KDM6A: variants seen among roughly 807,000 people sequenced by gnomAD.
KDM6A encodes lysine-specific demethylase 6A.
A neutral mutation model predicts 117.6 loss-of-function variants in KDM6A; 11 were observed. That is an observed-to-expected ratio of 0.09 (90% CI 0.06 to 0.15). The LOEUF is 0.15. KDM6A is among the 10% of genes least tolerant of loss of function. The probability of loss-of-function intolerance (pLI) is 1.00; values close to 1 mark genes in which losing one functional copy is unlikely to be tolerated. For synonymous variants in KDM6A, 384 were observed against 396.1 expected (o/e 0.97, Z 0.36); for missense variants, 799 against 1,077.3 (o/e 0.74, Z 3.62).
intron 2 of KDM6A, among the ~76,000 whole-genome samples, chrX:44,920,261 T>C (rs1033345241): frequency 9.9e-5 from 11 of 111,120 alleles, no homozygotes; most frequent in Non-Finnish European, 1.5e-4. Context: ...CAAACTCATT[T>C]ATTAGGTAGA....
intron 12 of KDM6A, 141 bp from the exon 13 acceptor site, chrX:45,059,881 A>T: frequency 1.1e-6 from 1 of 892,336 alleles, no homozygotes; most frequent in Non-Finnish European, 1.6e-6. Context: ...CCCTGTTTAT[A>T]CTTAGTGTCT....
Position 45,044,739 on chromosome X carries a change from T to C in KDM6A, c.655-6970T>C, listed in dbSNP as rs1193205341. On this transcript the variant is annotated intron_variant, in intron 8 of 29. Coordinates refer to ENST00000611820, the MANE Select transcript of KDM6A (RefSeq NM_001291415.2). ...CTGTATCAGTACGTGTAGAGCTGCA[T>C]CATATCCCTTTACATATAGATGTAC... Among the ~76,000 whole-genome samples, 5 of 112,039 alleles carry C rather than the reference T, an allele frequency of 4.5e-5. 1 individual carries two copies. In the East Asian group the frequency reaches 1.4e-3, roughly 31 times the overall value.
At chrX:45,033,128 C>T (rs1237490980) in intron 6 of KDM6A, among the ~76,000 whole-genome samples, 1 of 112,137 alleles carries the variant, frequency 8.9e-6, no homozygotes, top group African/African-American at 3.2e-5. Flanking sequence ...TTTATGCTTA[C>T]AGGACAAATT....
intron 2 of KDM6A, among the ~76,000 whole-genome samples, chrX:44,884,251 A>G (rs1246097845): frequency 9.0e-6 from 1 of 110,851 alleles, no homozygotes; most frequent in Non-Finnish European, 1.9e-5. Flanking sequence ...CCCCATCACT[A>G]TAGGCCGTAG....
At chrX:44,929,146 G>C (rs755619708) in intron 2 of KDM6A, among the ~76,000 whole-genome samples, 17 of 110,081 alleles carry the variant, frequency 1.5e-4, no homozygotes, top group Non-Finnish European at 3.2e-4. Context: ...TGGCCGGGAT[G>C]GTCTCAATCT....
intron 8 of KDM6A, among the ~76,000 whole-genome samples, chrX:45,051,343 T>C (rs995548919): frequency 2.7e-5 from 3 of 111,950 alleles, no homozygotes; most frequent in African/African-American, 6.5e-5. Flanking sequence ...GCTTGGGAGC[T>C]CAGTGTTTCT....
chrX:45,049,069 A>C (rs1339605104), intron 8 of KDM6A, among the ~76,000 whole-genome samples: 4 of 111,449 alleles, frequency 3.6e-5, no homozygotes, highest in African/African-American at 1.3e-4. Context: ...TTCCAAGAGT[A>C]AGATTGCTAG....
intron 27 of KDM6A, among the ~76,000 whole-genome samples, chrX:45,091,125 C>T (rs982043102): frequency 9.0e-6 from 1 of 111,215 alleles, no homozygotes; most frequent in Non-Finnish European, 1.9e-5. Flanking sequence ...CTCTGAACCA[C>T]CTGATATCCC....
intron 4 of KDM6A, among the ~76,000 whole-genome samples, chrX:44,990,750 TTA>T (rs2040538326): frequency 9.0e-6 from 1 of 111,437 alleles, no homozygotes; most frequent in South Asian, 3.7e-4. Flanking sequence ...CAGTTGACTT[TTA>T]TGTGTTAAAT....
chrX:45,050,196 G>A (rs769203194), intron 8 of KDM6A, among the ~76,000 whole-genome samples: 2 of 112,602 alleles, frequency 1.8e-5, no homozygotes, highest in Non-Finnish European at 1.9e-5. Flanking sequence ...AAAAGTAGGC[G>A]GGCGTGGTGG....
chrX:45,004,428 A>T (rs2041327664), intron 4 of KDM6A, among the ~76,000 whole-genome samples: 1 of 111,321 alleles, frequency 9.0e-6, no homozygotes, highest in East Asian at 2.8e-4. Context: ...CTTCCCTGAG[A>T]AGCTCACTTA....
intron 29 of KDM6A, 61 bp downstream of exon 29, chrX:45,110,310 C>A (rs2148309700): frequency 1.0e-6 from 1 of 992,267 alleles, no homozygotes; most frequent in South Asian, 1.9e-5. Context: ...AGTGTTTGCT[C>A]TGCCACCTGA....
chrX:45,029,469 G>A (rs1476169741), intron 6 of KDM6A, among the ~76,000 whole-genome samples: 1 of 109,315 alleles, frequency 9.1e-6, no homozygotes, highest in African/African-American at 3.3e-5. Flanking sequence ...AAATTTAGTC[G>A]AGGGTGCTGG....
chrX:44,977,261 A>G (rs758143317), intron 4 of KDM6A, among the ~76,000 whole-genome samples: 1 of 110,257 alleles, frequency 9.1e-6, no homozygotes, highest in Non-Finnish European at 1.9e-5. Context: ...CTCTATATAT[A>G]TAGTTTTTTA....
chrX:44,943,705 T>C (rs1296512942), intron 2 of KDM6A, among the ~76,000 whole-genome samples: 1 of 112,199 alleles, frequency 8.9e-6, no homozygotes. Context: ...AGGGATTATT[T>C]GGGTTATTTC....
intron 5 of KDM6A, among the ~76,000 whole-genome samples, chrX:45,017,703 A>G (rs190732732): frequency 4.4e-4 from 49 of 112,036 alleles, no homozygotes; most frequent in Non-Finnish European, 7.9e-4. Flanking sequence ...GCACCAGTAA[A>G]CATCTATTAA....
intron 19 of KDM6A, among the ~76,000 whole-genome samples, chrX:45,078,046 A>G (rs182745660): frequency 3.2e-4 from 36 of 112,264 alleles, no homozygotes; most frequent in African/African-American, 9.7e-4. Flanking sequence ...TGACTGGCTT[A>G]TTTCACTTAA....
At chrX:44,962,770 T>TA (rs753043184) in intron 3 of KDM6A, among the ~76,000 whole-genome samples, 2 of 111,897 alleles carry the variant, frequency 1.8e-5, no homozygotes, top group Admixed American at 9.5e-5. Context: ...ATACTTTAGT[T>TA]AAAAAAAACT....
At chrX:44,887,213 C>G (rs1358848081) in intron 2 of KDM6A, among the ~76,000 whole-genome samples, 1 of 110,984 alleles carries the variant, frequency 9.0e-6, no homozygotes, top group Non-Finnish European at 1.9e-5. Context: ...AGTCACCATG[C>G]CCAGCCCAGA....
Sources: gnomAD v4.1 joint callset for allele counts (sites outside exome capture counted in the v4.1 genomes callset) on GRCh38, gnomAD v4.1.1 for gene constraint, MANE v1.5 for transcripts, NCBI Gene and HGNC (gene_info 2026-07-23, HGNC 2026-07-21) for gene names.